The following HLF variants were observed in gnomAD, a reference collection of about 807,000 sequenced individuals.
HLF encodes the protein HLF transcription factor, PAR bZIP family member.
In HLF, 3 loss-of-function variants were observed where a neutral mutation model predicts 22.6. That is an observed-to-expected ratio of 0.13 (90% CI 0.06 to 0.34). The LOEUF (loss-of-function observed/expected upper bound fraction) is 0.34. Among genes scored for constraint, HLF ranks in the 10% least tolerant of loss-of-function variants. The pLI, the probability that HLF is intolerant of heterozygous loss-of-function variation, is 1.00. For missense variants in HLF, 299 were observed against 389.2 expected (o/e 0.77, Z 1.95); for synonymous variants, 151 against 151.8 (o/e 0.99, Z 0.04).
In HLF at chr17:55,323,951, C is replaced by A. The variant is rs1905360382; in HGVS notation, c.*3072C>A. 4.4e-6 allele frequency: 1 copy of A among 228,836 alleles called. No homozygotes were observed. The highest frequency in any genetic ancestry group is 8.7e-6 in the Non-Finnish European group (1 of 115,430). 14.2% of individuals were successfully genotyped at this position (228,836 alleles called of 1,614,324 possible). ...AGCTTAGGACCTCCTGATGAGGTCA[C>A]ATTGTTGTTTCTTTTAACTAGACTT... On this transcript the variant is annotated 3_prime_UTR_variant, in exon 4 of 4. Coordinates refer to ENST00000226067, the MANE Select transcript of HLF (RefSeq NM_002126.5).
At position 55,265,614 on chromosome 17, in the gene HLF, G is replaced by A. The variant is rs761516073; in HGVS notation, c.115+15G>A. The A allele has an allele frequency of 6.4e-7, 1 of 1,553,242 alleles. No homozygotes were observed. Among genetic ancestry groups the A allele is most frequent in the Non-Finnish European group, 8.8e-7 (1 of 1,139,260 alleles). ...CCACGAAGACGGTGAGCGCTGCCGC[G>A]GCCCCGCTCCGGGAAGGGACGACGC... On this transcript the variant is annotated intron_variant, in intron 1 of 3. Transcript: ENST00000226067.
chr17:55,300,949 CCA>C (rs1418376744), intron 2 of HLF, among the ~76,000 whole-genome samples: 1 of 152,244 alleles, frequency 6.6e-6, no homozygotes, highest in Non-Finnish European at 1.5e-5. Context: ...GCCGTGAGCT[CCA>C]GTTACACCAG....
chr17:55,312,698 T>C (rs975125204), intron 2 of HLF, among the ~76,000 whole-genome samples: 1 of 152,010 alleles, frequency 6.6e-6, no homozygotes, highest in African/African-American at 2.4e-5. Flanking sequence ...GGAAAGACAG[T>C]GAGTGAGACT....
intron 2 of HLF, among the ~76,000 whole-genome samples, chr17:55,309,136 T>C (rs1331181335): frequency 2.0e-5 from 3 of 152,140 alleles, no homozygotes; most frequent in South Asian, 4.1e-4. Context: ...TCCCATGGAA[T>C]AGGACATGAA....
intron 2 of HLF, among the ~76,000 whole-genome samples, chr17:55,308,876 C>CA (rs1439827781): frequency 6.6e-6 from 1 of 152,220 alleles, no homozygotes; most frequent in African/African-American, 2.4e-5. Flanking sequence ...GCCGGACTCA[C>CA]ATATCTAGAG....
chr17:55,268,579 A>G (rs372850305), intron 2 of HLF, among the ~76,000 whole-genome samples: 43 of 151,952 alleles, frequency 2.8e-4, no homozygotes, highest in African/African-American at 8.9e-4. Flanking sequence ...GAGTAGGGAT[A>G]TGGGGCAGGT....
In HLF at chr17:55,320,776, A is replaced by G; in HGVS notation, c.785A>G (p.Lys262Arg). ...GCCATCCGGGCCTCGTTCCTGGAGA[A>G]GGAGAACTCGGCCCTCCGCCAGGAG... ...QIAIRASFLE[K>R]ENSALRQEVA... Residue 262 changes from lysine (K) to arginine (R), a missense_variant, in exon 4 of 4, where the codon AAG (lysine) becomes AGG (arginine). Around this residue, in one of 3 missense-constraint regions of HLF, gnomAD observed 224 missense variants for 298.1 expected, o/e 0.75. Transcript: ENST00000226067. The surrounding 1 kb of genome is among the most constrained non-coding windows in gnomAD (Gnocchi z 4.2). 1 of 1,613,992 alleles carries G rather than the reference A, an allele frequency of 6.2e-7. No individual in the cohort carries two copies. Among genetic ancestry groups the G allele is most frequent in the Non-Finnish European group, 8.5e-7 (1 of 1,179,928 alleles).
In HLF at chr17:55,309,471, T is replaced by A. The variant is rs562604291; in HGVS notation, c.452-5756T>A. On this transcript the variant is annotated intron_variant, in intron 2 of 3. Transcript: ENST00000226067. Reference sequence around the variant, plus strand: ...TGATGATGGTATCATCATCGAGGGATGCCAAGAGGGTAAAAGCACTATTTC... The same window carrying A: ...TGATGATGGTATCATCATCGAGGGAAGCCAAGAGGGTAAAAGCACTATTTC... Among the ~76,000 whole-genome samples the A allele has an allele frequency of 2.0e-5, 3 of 152,242 alleles. No homozygotes were observed. The South Asian group carries it at 6.2e-4, about 32-fold the overall frequency.
At chr17:55,286,312 C>T (rs1355811939) in intron 2 of HLF, among the ~76,000 whole-genome samples, 3 of 151,484 alleles carry the variant, frequency 2.0e-5, no homozygotes, top group Non-Finnish European at 4.4e-5. Context: ...TGTACTTTAC[C>T]TCTCGATAGT....
intron 2 of HLF, chr17:55,273,534 G>T (rs1368503288): frequency 6.6e-6 from 1 of 152,054 alleles, no homozygotes; most frequent in Non-Finnish European, 1.5e-5. Flanking sequence ...CTTCCTTCTG[G>T]GTTGGGACGA....
chr17:55,305,284 A>G (rs1042655066), intron 2 of HLF, among the ~76,000 whole-genome samples: 10 of 152,194 alleles, frequency 6.6e-5, no homozygotes, highest in Admixed American at 1.3e-4. Context: ...GTCAAATGCA[A>G]TCTTGCCCTT....
At chr17:55,271,395 G>A (rs945205633) in intron 2 of HLF, 1 of 152,212 alleles carries the variant, frequency 6.6e-6, no homozygotes, top group Admixed American at 6.5e-5. Flanking sequence ...CTCCGTTGTG[G>A]TGTTAGTGCT....
intron 2 of HLF, chr17:55,284,041 G>A (rs2080978403): frequency 6.6e-6 from 1 of 152,254 alleles, no homozygotes; most frequent in Non-Finnish European, 1.5e-5. Flanking sequence ...TTTTTGTGCT[G>A]TTGATCTGCT....
intron 2 of HLF, among the ~76,000 whole-genome samples, chr17:55,281,468 G>A (rs371989018): frequency 2.0e-4 from 30 of 152,280 alleles, no homozygotes; most frequent in Middle Eastern, 3.4e-3. Context: ...AGCCAAGATC[G>A]TGCCATTGCG....
At chr17:55,300,684 G>T (rs142866686) in intron 2 of HLF, among the ~76,000 whole-genome samples, 357 of 152,264 alleles carry the variant, frequency 2.3e-3, no homozygotes, top group Non-Finnish European at 4.0e-3. Flanking sequence ...AACAATTCAT[G>T]TTGCCCCCAT....
rs1905237975 is a variant in HLF at position 55,320,764 on chromosome 17, C to T, written c.773C>T (p.Ser258Leu). ...LKENQIAIRA[S>L]FLEKENSALR... ...GAGAACCAGATCGCCATCCGGGCCT[C>T]GTTCCTGGAGAAGGAGAACTCGGCC... The change falls in exon 4 of 4, where the codon TCG (serine) becomes TTG (leucine). Residue 258 changes from serine (S) to leucine (L), a missense_variant. This residue lies in a region of HLF where 224 missense variants were observed against 298.1 expected (regional missense o/e 0.75). Coordinates refer to ENST00000226067, the MANE Select transcript of HLF (RefSeq NM_002126.5). This position sits in a 1 kb window ranked among gnomAD's most constrained non-coding sequence, Gnocchi z 4.2. The T allele has an allele frequency of 1.2e-6, 2 of 1,613,912 alleles. No individual in the cohort carries two copies. Among genetic ancestry groups the T allele is most frequent in the Non-Finnish European group, 1.7e-6 (2 of 1,179,908 alleles).
intron 2 of HLF, among the ~76,000 whole-genome samples, chr17:55,289,912 G>GA (rs1013261583): frequency 2.1e-4 from 31 of 151,046 alleles, no homozygotes; most frequent in Middle Eastern, 3.4e-3. Flanking sequence ...AGCCTAGTTA[G>GA]AAAAAAAAAG....
chr17:55,279,664 G>A (rs1047978608), intron 2 of HLF, among the ~76,000 whole-genome samples: 1 of 152,020 alleles, frequency 6.6e-6, no homozygotes, highest in Non-Finnish European at 1.5e-5. Flanking sequence ...TTAACTTGAG[G>A]ACAAAATAGT....
chr17:55,302,888 C>T (rs1904362865), intron 2 of HLF, among the ~76,000 whole-genome samples: 1 of 152,208 alleles, frequency 6.6e-6, no homozygotes, highest in Non-Finnish European at 1.5e-5. Context: ...GAAGGTAGCC[C>T]ATCCTAGGGG....
Sources: allele counts gnomAD v4.1 joint callset (sites outside exome capture counted in the v4.1 genomes callset), GRCh38; gene constraint gnomAD v4.1.1; regional missense constraint gnomAD v4.1.1; non-coding constraint Gnocchi (gnomAD v3.1); transcripts MANE v1.5; gene names NCBI Gene and HGNC (gene_info 2026-07-23, HGNC 2026-07-21).